The following SDK1 variants were observed in gnomAD, a reference collection of about 807,000 sequenced individuals.
SDK1 encodes the protein protein sidekick-1.
A neutral mutation model predicts 245.5 loss-of-function variants in SDK1; 157 were observed. The ratio of observed to expected loss-of-function variants is 0.64; its 90% CI spans 0.56 to 0.73. The LOEUF (loss-of-function observed/expected upper bound fraction) is 0.73, where lower values mean the gene tolerates loss of function less well. Ranked by LOEUF, SDK1 falls within the 30% of genes least tolerant of loss-of-function variation. The pLI, the probability that SDK1 is intolerant of heterozygous loss-of-function variation, is 0.00. For synonymous variants in SDK1, 1,647 were observed against 1,278.5 expected, an observed-to-expected ratio of 1.29 and a Z score of -6.15; for missense variants, 3,583 against 3,002.3, an observed-to-expected ratio of 1.19 and a Z score of -4.52.
intron 1 of SDK1, among the ~76,000 whole-genome samples, chr7:3,541,095 T>C (rs886938925): frequency 6.6e-6 from 1 of 152,222 alleles, no homozygotes; most frequent in African/African-American, 2.4e-5. Flanking sequence ...CTAAACTTGA[T>C]CTGTGTTTCT....
chr7:4,213,373 C>T (rs1164639225), intron 38 of SDK1, among the ~76,000 whole-genome samples: 1 of 151,530 alleles, frequency 6.6e-6, no homozygotes, highest in Admixed American at 6.6e-5. Flanking sequence ...GATCGCGCCA[C>T]TGCACTCCAG....
At chr7:4,072,173 G>A (rs1450951694) in intron 20 of SDK1, among the ~76,000 whole-genome samples, 1 of 152,198 alleles carries the variant, frequency 6.6e-6, no homozygotes, top group Non-Finnish European at 1.5e-5. Flanking sequence ...TGTTTATGGT[G>A]GAGCTTGACT....
intron 2 of SDK1, among the ~76,000 whole-genome samples, chr7:3,629,739 C>G (rs1782233397): frequency 1.3e-5 from 2 of 152,256 alleles, no homozygotes; most frequent in South Asian, 4.2e-4. Flanking sequence ...ATTTCCAGTA[C>G]CCAACAAGGG....
intron 35 of SDK1, among the ~76,000 whole-genome samples, chr7:4,185,618 C>A (rs1386055391): frequency 6.6e-6 from 1 of 152,206 alleles, no homozygotes; most frequent in Non-Finnish European, 1.5e-5. Context: ...GATGGGGCAG[C>A]TGTCTTCTCT....
At chr7:3,652,648 G>A (rs1477844134) in intron 4 of SDK1, among the ~76,000 whole-genome samples, 2 of 152,192 alleles carry the variant, frequency 1.3e-5, no homozygotes, top group South Asian at 2.1e-4. Flanking sequence ...AGTCAGAAGC[G>A]AACTAGGGAA....
chr7:3,971,484 A>T lies in SDK1; in HGVS notation c.1733A>T (p.His578Leu). Residue 578 changes from histidine (H) to leucine (L), a missense_variant, in exon 12 of 45, where the codon CAC (histidine) becomes CTC (leucine). By Grantham distance (99) the His-to-Leu change is moderately conservative. Coordinates refer to ENST00000404826, the MANE Select transcript of SDK1 (RefSeq NM_152744.4). ...LTVWNRTSIVHPPEDHVVIKG... is the reference protein window; with the variant it reads ...LTVWNRTSIVLPPEDHVVIKG... ...TTTTCAGATCGGACGTCCATCGTCC[A>T]CCCTCCTGAGGACCACGTGGTGATT... 1 of 1,612,850 alleles carries T rather than the reference A, an allele frequency of 6.2e-7. No individual in the cohort carries two copies. Among genetic ancestry groups the T allele is most frequent in the Non-Finnish European group, 8.5e-7 (1 of 1,179,186 alleles).
intron 40 of SDK1, among the ~76,000 whole-genome samples, chr7:4,225,992 A>G (rs1327037812): frequency 6.6e-6 from 1 of 152,120 alleles, no homozygotes; most frequent in East Asian, 1.9e-4. Flanking sequence ...CCTCCCTTCA[A>G]TGATTAAGGC....
chr7:3,467,812 A>T (rs1781055300), intron 1 of SDK1, among the ~76,000 whole-genome samples: 1 of 152,116 alleles, frequency 6.6e-6, no homozygotes, highest in Admixed American at 6.5e-5. Flanking sequence ...CTAAATGGAA[A>T]TTTAGTCTTT....
intron 4 of SDK1, among the ~76,000 whole-genome samples, chr7:3,693,448 G>A (rs970264564): frequency 1.3e-5 from 2 of 152,056 alleles, no homozygotes; most frequent in Non-Finnish European, 2.9e-5. Context: ...AGTATAAATC[G>A]GTTTGAGGAG....
In SDK1 at chr7:4,265,379, G is replaced by T. The variant is rs981320763; in HGVS notation, c.6637G>T (p.Val2213Leu). Reference protein sequence around the residue: ...RTPLTGFSSFV With the variant: ...RTPLTGFSSFL ...TCCGCTCACCGGCTTCTCCTCCTTC[G>T]TGTGAGCAAAGCGCCGCGCCTCCCT... is the stretch of plus-strand genomic sequence containing the variant. The change falls in exon 45 of 45, where the codon GTG becomes TTG. Residue 2213 changes from valine to leucine, a missense_variant. Transcript: ENST00000404826. 2 of 1,435,960 alleles carry T rather than the reference G, an allele frequency of 1.4e-6. No individual in the cohort carries two copies. The highest frequency in any genetic ancestry group is 1.8e-6 in the Non-Finnish European group (2 of 1,106,744). The allele number at this position is 1,435,960 out of a possible 1,614,324, so 89.0% of individuals were successfully genotyped here.
intron 28 of SDK1, among the ~76,000 whole-genome samples, chr7:4,141,074 G>C (rs772522752): frequency 1.3e-5 from 2 of 152,242 alleles, no homozygotes; most frequent in Admixed American, 1.3e-4. Context: ...TTCTGAGAGA[G>C]AGGCAAGGAC....
At chr7:3,866,709 C>T (rs928107365) in intron 5 of SDK1, among the ~76,000 whole-genome samples, 1 of 152,164 alleles carries the variant, frequency 6.6e-6, no homozygotes, top group Non-Finnish European at 1.5e-5. Flanking sequence ...GTGAGGCATA[C>T]AGACACCAGG....
intron 5 of SDK1, among the ~76,000 whole-genome samples, chr7:3,916,153 G>T (rs1779370817): frequency 6.6e-6 from 1 of 152,182 alleles, no homozygotes; most frequent in South Asian, 2.1e-4. Flanking sequence ...CGGGGGGTGG[G>T]AAAGAGGGAG....
At chr7:3,647,725 G>A in intron 4 of SDK1, among the ~76,000 whole-genome samples, 1 of 152,088 alleles carries the variant, frequency 6.6e-6, no homozygotes, top group East Asian at 1.9e-4. Flanking sequence ...TGCCCGGCCA[G>A]TTTTAGGTGG....
chr7:3,404,065 A>G (rs1778987877), intron 1 of SDK1, among the ~76,000 whole-genome samples: 1 of 151,458 alleles, frequency 6.6e-6, no homozygotes, highest in South Asian at 2.1e-4. Context: ...ATGGCTAACA[A>G]GAGTACATAC....
intron 4 of SDK1, among the ~76,000 whole-genome samples, chr7:3,774,488 C>T (rs866451415): frequency 1.1e-4 from 17 of 152,160 alleles, no homozygotes; most frequent in African/African-American, 3.9e-4. Flanking sequence ...GGGACTGGGG[C>T]ATGGGATAGG....
chr7:3,457,933 A>G (rs1035118684), intron 1 of SDK1, among the ~76,000 whole-genome samples: 3 of 152,218 alleles, frequency 2.0e-5, no homozygotes, highest in African/African-American at 4.8e-5. Flanking sequence ...ATCTTTGGAA[A>G]TGTCTATATT....
At chr7:3,760,721 C>T (rs775757660) in intron 4 of SDK1, among the ~76,000 whole-genome samples, 4 of 152,276 alleles carry the variant, frequency 2.6e-5, no homozygotes, top group African/African-American at 4.8e-5. Context: ...GGATGATAAC[C>T]GGCTCCTGGC....
chr7:4,023,069 C>A (rs767884813), intron 17 of SDK1, among the ~76,000 whole-genome samples: 1 of 152,110 alleles, frequency 6.6e-6, no homozygotes, highest in Non-Finnish European at 1.5e-5. Flanking sequence ...CCAACACGCC[C>A]GGCCCTTGTT....
Sources: gnomAD v4.1 joint callset for allele counts (sites outside exome capture counted in the v4.1 genomes callset) on GRCh38, gnomAD v4.1.1 for gene constraint, MANE v1.5 for transcripts, NCBI Gene and HGNC (gene_info 2026-07-23, HGNC 2026-07-21) for gene names.